Variants in USP15 observed in about 807,000 individuals in gnomAD.
The protein encoded by USP15 is ubiquitin specific peptidase 15.
In USP15, 18 loss-of-function variants were observed where a neutral mutation model predicts 127.1. That is an observed-to-expected ratio of 0.14 (90% CI 0.10 to 0.21). USP15 has a LOEUF of 0.21. Among genes scored for constraint, USP15 ranks in the 10% least tolerant of loss-of-function variants. USP15 has a pLI of 1.00. For synonymous variants in USP15, 364 were observed against 393.7 expected, an observed-to-expected ratio of 0.92 and a Z score of 0.89; for missense variants, 805 against 1,159.9, an observed-to-expected ratio of 0.69 and a Z score of 4.44.
At position 62,319,169 on chromosome 12, in the gene USP15, G is replaced by A. The variant is rs549478864; in HGVS notation, c.476-2295G>A. ...AAAGGGGAAGCAACCACATCTTACC[G>A]TGGCATAGCAAGAGAGAGAGAGCAA... On this transcript the variant is annotated intron_variant, in intron 4 of 21. Coordinates refer to ENST00000280377, the MANE Select transcript of USP15 (RefSeq NM_001252078.2). Among the ~76,000 whole-genome samples, 8 of 152,244 alleles carry A rather than the reference G, an allele frequency of 5.3e-5. No individual in the cohort carries two copies. In the East Asian group the frequency reaches 5.8e-4, roughly 11 times the overall value.
intron 6 of USP15, among the ~76,000 whole-genome samples, chr12:62,327,502 G>C (rs2065161405): frequency 6.6e-6 from 1 of 151,756 alleles, no homozygotes; most frequent in Non-Finnish European, 1.5e-5. Context: ...CTATGTACTT[G>C]CTATATCTTT....
chr12:62,319,699 CAATG>C (rs936928808), intron 4 of USP15, among the ~76,000 whole-genome samples: 6 of 152,148 alleles, frequency 3.9e-5, no homozygotes, highest in Non-Finnish European at 7.4e-5. Flanking sequence ...TCACAAAACT[CAATG>C]AAGAGGAAAT....
At position 62,393,213 on chromosome 12, in the gene USP15, ATT is replaced by A. The variant is rs1265104159; in HGVS notation, c.2570+12_2570+13del. On this transcript the variant is annotated intron_variant, in intron 19 of 21. Transcript: ENST00000280377. ...TGATTTTCCTATCAAGTAAGCTTTA[ATT>A]GTACTTTATAAGCATTGGGCAACTC... The A allele has an allele frequency of 6.2e-7, 1 of 1,609,988 alleles. No individual in the cohort carries two copies. Among genetic ancestry groups the A allele is most frequent in the Non-Finnish European group, 8.5e-7 (1 of 1,177,748 alleles).
intron 3 of USP15, among the ~76,000 whole-genome samples, chr12:62,309,165 A>C (rs1256830031): frequency 1.1e-5 from 1 of 92,310 alleles, no homozygotes; most frequent in Non-Finnish European, 2.3e-5. Context: ...AGACCAGTAA[A>C]GTAAAGATGA....
chr12:62,306,673 T>C (rs2064491698), intron 3 of USP15, among the ~76,000 whole-genome samples: 1 of 152,166 alleles, frequency 6.6e-6, no homozygotes, highest in Non-Finnish European at 1.5e-5. Context: ...AAAGAAAGGA[T>C]TGTTCAATAA....
intron 1 of USP15, among the ~76,000 whole-genome samples, chr12:62,286,676 G>A (rs1009883311): frequency 5.3e-5 from 8 of 152,136 alleles, no homozygotes; most frequent in Non-Finnish European, 2.9e-5. Flanking sequence ...GGTGGCTCAT[G>A]CCTGTAATCC....
Position 62,389,644 on chromosome 12 carries a change from A to C in USP15, c.1597A>C (p.Ile533Leu). 1 of 1,613,440 alleles carries C rather than the reference A, an allele frequency of 6.2e-7. No homozygotes were observed. The highest frequency in any genetic ancestry group is 1.1e-5 in the South Asian group (1 of 91,036). ...TATATACAATCATAGATTTCACAGA[A>C]TATTCGCTATGGATGAAAACCTTAG... ...TDIYNHRFHR[I>L]FAMDENLSSI... Residue 533 changes from isoleucine to leucine, a missense_variant, in exon 13 of 22, where the codon ATA becomes CTA. Ile to Leu is a conservative substitution (Grantham distance 5). Transcript: ENST00000280377.
chr12:62,282,979 A>G (rs1592491659), intron 1 of USP15, among the ~76,000 whole-genome samples: 1 of 152,298 alleles, frequency 6.6e-6, no homozygotes, highest in South Asian at 2.1e-4. Flanking sequence ...TCTCAAGTCC[A>G]TATTCTATTT....
At chr12:62,380,857 T>C (rs562554680) in intron 8 of USP15, among the ~76,000 whole-genome samples, 18 of 152,160 alleles carry the variant, frequency 1.2e-4, no homozygotes, top group Middle Eastern at 6.8e-3. Flanking sequence ...AATTAACTTA[T>C]TTATAGTTTT....
At chr12:62,392,036 T>C in intron 17 of USP15, 150 bp downstream of exon 17, 3 of 892,902 alleles carry the variant, frequency 3.4e-6, no homozygotes, top group South Asian at 2.0e-5. Flanking sequence ...GAAAAAAAAG[T>C]CTTTGCAAAA....
In USP15 at chr12:62,389,900, T is replaced by C; in HGVS notation, c.1756T>C (p.Ser586Pro). ...RHSSYTHHTG[S>P]SLFGQPFLMA... is the part of the protein sequence containing the mutation. ...CTCGAGTTATACCCACCATACTGGTTCTTCACTTTTTGGTCAGCCCTTTCT... is the reference window on the plus strand; with the variant it reads ...CTCGAGTTATACCCACCATACTGGTCCTTCACTTTTTGGTCAGCCCTTTCT... The change falls in exon 14 of 22, where the codon TCT becomes CCT. Residue 586 changes from serine to proline, a missense_variant. Coordinates refer to ENST00000280377, the MANE Select transcript of USP15 (RefSeq NM_001252078.2). 6.2e-7 allele frequency: 1 copy of C among 1,613,934 alleles called. No homozygotes were observed. The highest frequency in any genetic ancestry group is 8.5e-7 in the Non-Finnish European group (1 of 1,179,908).
intron 1 of USP15, among the ~76,000 whole-genome samples, chr12:62,287,605 G>A (rs77136711): frequency 3.9e-5 from 6 of 151,968 alleles, no homozygotes; most frequent in Non-Finnish European, 7.4e-5. Flanking sequence ...TTTTTTGTTG[G>A]ATTTGTTTTT....
At chr12:62,291,182 T>C (rs2063956845) in intron 1 of USP15, among the ~76,000 whole-genome samples, 1 of 152,194 alleles carries the variant, frequency 6.6e-6, no homozygotes, top group Non-Finnish European at 1.5e-5. Flanking sequence ...TGCTTTCTTT[T>C]CTTTTCTTTC....
intron 1 of USP15, among the ~76,000 whole-genome samples, chr12:62,264,890 G>A (rs1200545519): frequency 6.6e-6 from 1 of 152,096 alleles, no homozygotes; most frequent in Non-Finnish European, 1.5e-5. Flanking sequence ...GACCAGAGTA[G>A]GGTATATACT....
At position 62,410,937 on chromosome 12, in the gene USP15, T is replaced by C. The variant is rs1478667966; in HGVS notation, c.*6562T>C. 5.9e-5 allele frequency: 9 copies of C among 151,938 alleles called. No homozygotes were observed. Among genetic ancestry groups the C allele is most frequent in the Non-Finnish European group, 8.8e-5 (6 of 67,984 alleles). 9.4% of individuals were successfully genotyped at this position (151,938 alleles called of 1,614,324 possible). ...ATGATGGTAAACTTGAAAATTAAAATTTTATCAGGGATATTAGAATCCAAT... is the reference window on the plus strand; with the variant it reads ...ATGATGGTAAACTTGAAAATTAAAACTTTATCAGGGATATTAGAATCCAAT... On this transcript the variant is annotated 3_prime_UTR_variant, in exon 22 of 22. Transcript: ENST00000280377.
chr12:62,326,895 G>T (rs1043589753), intron 6 of USP15, among the ~76,000 whole-genome samples: 1 of 152,140 alleles, frequency 6.6e-6, no homozygotes, highest in African/African-American at 2.4e-5. Flanking sequence ...ACTTTGGGAG[G>T]CGAAGACAGG....
intron 3 of USP15, 56 bp from the exon 4 acceptor site, chr12:62,314,734 T>C: frequency 7.2e-7 from 1 of 1,381,634 alleles, no homozygotes; most frequent in Admixed American, 2.7e-5. Flanking sequence ...GTATTGTTAT[T>C]AGAGTGAAAT....
At chr12:62,398,720 C>G (rs2067578903) in intron 20 of USP15, among the ~76,000 whole-genome samples, 1 of 152,008 alleles carries the variant, frequency 6.6e-6, no homozygotes, top group South Asian at 2.1e-4. Context: ...CGTGTGTATG[C>G]TTGGAAAAAA....
intron 6 of USP15, among the ~76,000 whole-genome samples, chr12:62,345,954 A>G (rs1327055015): frequency 6.6e-6 from 1 of 152,180 alleles, no homozygotes; most frequent in Non-Finnish European, 1.5e-5. Context: ...CCCTCCCACA[A>G]CACCAGAGGA....
Sources: gnomAD v4.1 joint callset for allele counts (sites outside exome capture counted in the v4.1 genomes callset) on GRCh38, gnomAD v4.1.1 for gene constraint, MANE v1.5 for transcripts, NCBI Gene and HGNC (gene_info 2026-07-23, HGNC 2026-07-21) for gene names.